Variants in KIAA0513 observed in about 807,000 individuals in gnomAD.
KIAA0513 encodes the protein uncharacterized protein KIAA0513.
Under a neutral mutation model 56.5 loss-of-function variants are expected in KIAA0513, and 39 were observed. That is an observed-to-expected ratio of 0.69 (90% confidence interval 0.53 to 0.90). KIAA0513 has a LOEUF of 0.90. Ranked by LOEUF, KIAA0513 falls within the 40% of genes least tolerant of loss-of-function variation. The pLI is 0.00. For synonymous variants in KIAA0513, 268 were observed against 215.6 expected, an observed-to-expected ratio of 1.24 and a Z score of -2.13; for missense variants, 591 against 535.2, an observed-to-expected ratio of 1.10 and a Z score of -1.03.
chr16:85,055,603 C>T (rs1405891534), intron 1 of KIAA0513, among the ~76,000 whole-genome samples: 1 of 152,202 alleles, frequency 6.6e-6, no homozygotes, highest in East Asian at 1.9e-4. Context: ...CCTCAGCCCT[C>T]ACCACTTCCC....
chr16:85,038,723 ATAATAATAAT>A lies in KIAA0513; in HGVS notation c.-173+10866_-173+10875del, dbSNP rs146134362. On this transcript the variant is annotated intron_variant, in intron 1 of 12. Transcript: ENST00000683363. ...ACTCAGCCTCAAAAAAAAAAAAAAA[ATAATAATAAT>A]AATATCTTTGTTGATAGATTCTATT... Among the ~76,000 whole-genome samples the A allele has an allele frequency of 1.3e-4, 15 of 115,206 alleles. 1 individual carries two copies. The highest frequency in any genetic ancestry group is 5.4e-4 in the African/African-American group (15 of 27,700). 75.6% of individuals were successfully genotyped at this position (115,206 alleles called of 152,430 possible).
Position 85,082,568 on chromosome 16 carries a change from G to T in KIAA0513, c.985G>T (p.Asp329Tyr). ...RTKRSPTTRG[D>Y]AGEEEEKREK... Reference sequence around the variant, plus strand: ...CTGTTTCTGCTGCCGCTCCAGAGGGGATGCTGGAGAGGAGGAGGAGAAGAG... The same window carrying T: ...CTGTTTCTGCTGCCGCTCCAGAGGGTATGCTGGAGAGGAGGAGGAGAAGAG... The change falls in exon 10 of 13, where the codon GAT (aspartate) becomes TAT (tyrosine). Residue 329 changes from aspartate (D) to tyrosine (Y), a missense_variant. Asp to Tyr is a radical substitution (Grantham distance 160). Transcript: ENST00000683363. The T allele has an allele frequency of 1.2e-6, 2 of 1,614,072 alleles. No individual in the cohort carries two copies. The highest frequency in any genetic ancestry group is 1.7e-6 in the Non-Finnish European group (2 of 1,179,956).
chr16:85,061,265 T>C (rs919377156), intron 1 of KIAA0513, among the ~76,000 whole-genome samples: 1 of 152,122 alleles, frequency 6.6e-6, no homozygotes, highest in African/African-American at 2.4e-5. Flanking sequence ...CAAGCCTTAA[T>C]AATGCGCACA....
chr16:85,051,521 C>T (rs2073251677), intron 1 of KIAA0513, among the ~76,000 whole-genome samples: 1 of 152,206 alleles, frequency 6.6e-6, no homozygotes. Context: ...CAAAAGGAGA[C>T]CCCAGAGAAC....
chr16:85,076,803 G>T lies in KIAA0513; in HGVS notation c.575-622G>T, dbSNP rs2073662429. 6.6e-6 allele frequency among the ~76,000 whole-genome samples: 1 copy of T among 152,168 alleles called. No individual in the cohort carries two copies. The highest frequency in any genetic ancestry group is 1.5e-5 in the Non-Finnish European group (1 of 68,016). On this transcript the variant is annotated intron_variant, in intron 5 of 12. Transcript: ENST00000683363. The surrounding 1 kb of genome is among the most constrained non-coding windows in gnomAD (Gnocchi z 4.7). ...GTACAACCTGTGGCTCCTCCTTTTT[G>T]AAGAACGGATAGACACATAATGAAT...
At chr16:85,077,809 C>G (rs2073681092) in intron 6 of KIAA0513, among the ~76,000 whole-genome samples, 177 bp downstream of exon 6, 1 of 152,184 alleles carries the variant, frequency 6.6e-6, no homozygotes, top group Non-Finnish European at 1.5e-5. Flanking sequence ...CAAGCCCCCC[C>G]CACTGACATG....
intron 1 of KIAA0513, among the ~76,000 whole-genome samples, chr16:85,044,089 C>T (rs1448994057): frequency 6.6e-6 from 1 of 152,192 alleles, no homozygotes; most frequent in Non-Finnish European, 1.5e-5. Flanking sequence ...CTGGCATGAA[C>T]GTTTTTCCAT....
At chr16:85,042,166 T>A (rs1456051287) in intron 1 of KIAA0513, among the ~76,000 whole-genome samples, 1 of 152,222 alleles carries the variant, frequency 6.6e-6, no homozygotes, top group Non-Finnish European at 1.5e-5. Flanking sequence ...TGGCAGCGAG[T>A]AACTTTTGCG....
At chr16:85,046,175 T>C (rs911331045) in intron 1 of KIAA0513, among the ~76,000 whole-genome samples, 1 of 152,228 alleles carries the variant, frequency 6.6e-6, no homozygotes, top group African/African-American at 2.4e-5. Flanking sequence ...TCTTTGGGGC[T>C]GTCTCTTGTG....
intron 8 of KIAA0513, 67 bp downstream of exon 8, chr16:85,079,070 C>A: frequency 1.9e-6 from 3 of 1,612,418 alleles, no homozygotes; most frequent in Admixed American, 3.3e-5. Flanking sequence ...TCCCCGGGAT[C>A]ACTTCTAGCT....
chr16:85,052,801 C>T (rs1026656869), intron 1 of KIAA0513, among the ~76,000 whole-genome samples: 1 of 152,218 alleles, frequency 6.6e-6, no homozygotes, highest in African/African-American at 2.4e-5. Context: ...TCATTAGTTC[C>T]ACATATGTTG....
At chr16:85,088,172 C>T in intron 12 of KIAA0513, 104 bp from the exon 13 acceptor site, 2 of 1,032,952 alleles carry the variant, frequency 1.9e-6, no homozygotes, top group Non-Finnish European at 1.5e-6. Context: ...TGCAGCCCTG[C>T]TCCCAGGGAG....
intron 2 of KIAA0513, among the ~76,000 whole-genome samples, chr16:85,069,683 C>G (rs2073543553): frequency 6.6e-6 from 1 of 152,034 alleles, no homozygotes; most frequent in African/African-American, 2.4e-5. Flanking sequence ...GATGGTCTTG[C>G]TGCTGTGTCG....
chr16:85,081,280 C>T lies in KIAA0513; in HGVS notation c.903-35C>T. On this transcript the variant is annotated intron_variant, in intron 8 of 12. Coordinates refer to ENST00000683363, the MANE Select transcript of KIAA0513 (RefSeq NM_001388359.1). This position sits in a 1 kb window ranked among gnomAD's most constrained non-coding sequence, Gnocchi z 4.4. The stretch of plus-strand genomic sequence containing the variant: ...ACAACCCGTGTCCTCCCCGCCTCCC[C>T]TTGGAGAGAGTGTGACTGGGGCTCT... 1.2e-6 allele frequency: 2 copies of T among 1,608,266 alleles called. No homozygotes were observed. Among genetic ancestry groups the T allele is most frequent in the Non-Finnish European group, 1.7e-6 (2 of 1,175,200 alleles).
Position 85,087,108 on chromosome 16 carries a change from C to G in KIAA0513, c.1128C>G (p.Asn376Lys), listed in dbSNP as rs144983745. 1.2e-6 allele frequency: 2 copies of G among 1,614,230 alleles called. No homozygotes were observed. Among genetic ancestry groups the G allele is most frequent in the Admixed American group, 1.7e-5 (1 of 60,034 alleles). Reference sequence around the variant, plus strand: ...ACAACATGCTGGCCTTTGGACTGAACAAGAAGCTGTGCAATGACTTCCTGA... The same window carrying G: ...ACAACATGCTGGCCTTTGGACTGAAGAAGAAGCTGTGCAATGACTTCCTGA... Reference protein sequence around the residue: ...FTHNMLAFGLNKKLCNDFLKK... With the variant: ...FTHNMLAFGLKKKLCNDFLKK... Residue 376 changes from asparagine to lysine, a missense_variant, in exon 12 of 13, where the codon AAC becomes AAG. Asn to Lys is a moderately conservative substitution (Grantham distance 94, BLOSUM62 0). Coordinates refer to ENST00000683363, the MANE Select transcript of KIAA0513 (RefSeq NM_001388359.1).
chr16:85,059,725 C>A (rs1045695847), intron 1 of KIAA0513, among the ~76,000 whole-genome samples: 2 of 152,208 alleles, frequency 1.3e-5, no homozygotes, highest in Non-Finnish European at 2.9e-5. Context: ...TCATTGATTT[C>A]TCCTCTGAGC....
chr16:85,050,489 T>C (rs1012226600), intron 1 of KIAA0513, among the ~76,000 whole-genome samples: 5 of 152,158 alleles, frequency 3.3e-5, no homozygotes, highest in Middle Eastern at 3.4e-3. Context: ...CTAATTTTTG[T>C]ATTTTTAGTA....
intron 2 of KIAA0513, among the ~76,000 whole-genome samples, chr16:85,069,771 A>G (rs1272487687): frequency 6.6e-6 from 1 of 152,080 alleles, no homozygotes; most frequent in African/African-American, 2.4e-5. Flanking sequence ...GGCCCCACTG[A>G]GTGAGAACGT....
chr16:85,043,478 C>G (rs1177422165), intron 1 of KIAA0513, among the ~76,000 whole-genome samples: 1 of 134,362 alleles, frequency 7.4e-6, no homozygotes, highest in Non-Finnish European at 1.5e-5. Context: ...GTGGTGCCAT[C>G]TAAGCTCACT....
Sources: allele counts gnomAD v4.1 joint callset (sites outside exome capture counted in the v4.1 genomes callset), GRCh38; gene constraint gnomAD v4.1.1; non-coding constraint Gnocchi (gnomAD v3.1); transcripts MANE v1.5; gene names NCBI Gene and HGNC (gene_info 2026-07-23, HGNC 2026-07-21).